The following EBF3 variants were observed in gnomAD, a reference collection of about 807,000 sequenced individuals.
The protein encoded by EBF3 is EBF transcription factor 3.
A neutral mutation model predicts 77.1 loss-of-function variants in EBF3; 18 were observed. The observed-to-expected ratio is 0.23, with a 90% CI of 0.16 to 0.35. The LOEUF (loss-of-function observed/expected upper bound fraction) is 0.35, where lower values mean the gene tolerates loss of function less well. Ranked by LOEUF, EBF3 falls within the 10% of genes least tolerant of loss-of-function variation. The pLI is 1.00. For missense variants in EBF3, 558 were observed against 860.0 expected (o/e 0.65, Z 4.39); for synonymous variants, 350 against 343.5 (o/e 1.02, Z -0.21).
intron 6 of EBF3, among the ~76,000 whole-genome samples, chr10:129,950,355 C>T (rs1858582612): frequency 6.6e-6 from 1 of 152,200 alleles, no homozygotes; most frequent in Admixed American, 6.5e-5. Flanking sequence ...AGCTGAGCAA[C>T]TTCCAGCGAA....
In EBF3 at chr10:129,935,710, C is replaced by G. The variant is rs1169166106; in HGVS notation, c.554+21548G>C. Among the ~76,000 whole-genome samples, 1 of 152,208 alleles carries G rather than the reference C, an allele frequency of 6.6e-6. No individual in the cohort carries two copies. The highest frequency in any genetic ancestry group is 1.5e-5 in the Non-Finnish European group (1 of 68,042). ...CCTCCTACGTCAGCACTGGGGAGTC[C>G]AGAGGCCAACCCCGCAGTCACTGCT... On this transcript the variant is annotated intron_variant, in intron 6 of 16. Transcript: ENST00000440978. The surrounding 1 kb of genome is among the most constrained non-coding windows in gnomAD (Gnocchi z 4.2).
At chr10:129,907,461 G>A (rs957558360) in intron 6 of EBF3, among the ~76,000 whole-genome samples, 2 of 152,138 alleles carry the variant, frequency 1.3e-5, no homozygotes, top group African/African-American at 2.4e-5. Flanking sequence ...ATTAGGTGAC[G>A]ACAAAATCTA....
In EBF3 at chr10:129,963,927, G is replaced by A. The variant is rs529021684; in HGVS notation, c.-159C>T. 3,025 of 1,083,244 alleles carry A rather than the reference G, an allele frequency of 2.8e-3. 56 individuals carry two copies. The African/African-American group carries it at 0.039, about 14-fold the overall frequency. The allele number at this position is 1,083,244 out of a possible 1,614,324, so 67.1% of individuals were successfully genotyped here. A position where few individuals can be genotyped will look rare whatever the true frequency, so the allele number is the denominator to read the frequency against. ...GCTTCAGCCCGTCCCGGGCAGGCGC[G>A]ACATACACCAGCGGCCGGGCGCTCC... On this transcript the variant is annotated 5_prime_UTR_variant, in exon 1 of 17. Coordinates refer to ENST00000440978, the MANE Select transcript of EBF3 (RefSeq NM_001375380.1). The surrounding 1 kb of genome is among the most constrained non-coding windows in gnomAD (Gnocchi z 7.1).
rs1382824229 is a variant in EBF3 at position 129,861,122 on chromosome 10, T to C, written c.1039+6019A>G. Among the ~76,000 whole-genome samples, 1 of 152,170 alleles carries C rather than the reference T, an allele frequency of 6.6e-6. No individual in the cohort carries two copies. The highest frequency in any genetic ancestry group is 1.9e-4 in the East Asian group (1 of 5,174). The stretch of plus-strand genomic sequence containing the variant: ...ATCTCACCCCAGCACCCACTTAGCA[T>C]GCTGGCAGATTAACTGATCATGGTT... On this transcript the variant is annotated intron_variant, in intron 10 of 16. Coordinates refer to ENST00000440978, the MANE Select transcript of EBF3 (RefSeq NM_001375380.1). This position sits in a 1 kb window ranked among gnomAD's most constrained non-coding sequence, Gnocchi z 4.3.
At chr10:129,930,897 A>G (rs545983317) in intron 6 of EBF3, among the ~76,000 whole-genome samples, 45 of 141,328 alleles carry the variant, frequency 3.2e-4, no homozygotes, top group African/African-American at 1.2e-3. Context: ...ATATCTGTCT[A>G]TATCTATCTC....
rs1481178299 is a variant in EBF3, at chr10:129,897,172, GAC to G, written c.555-19325_555-19324del. ...TCCTGGGATGAGCACTGTGGTCACA[GAC>G]ACACTCGCGGTGTACACGGGCCCTC... On this transcript the variant is annotated intron_variant, in intron 6 of 16. Transcript: ENST00000440978. The surrounding 1 kb of genome is among the most constrained non-coding windows in gnomAD (Gnocchi z 4.6). 6.6e-6 allele frequency among the ~76,000 whole-genome samples: 1 copy of G among 152,216 alleles called. No homozygotes were observed. The highest frequency in any genetic ancestry group is 1.9e-4 in the East Asian group (1 of 5,184).
intron 6 of EBF3, among the ~76,000 whole-genome samples, chr10:129,929,726 G>T (rs1856884493): frequency 6.6e-6 from 1 of 152,166 alleles, no homozygotes; most frequent in African/African-American, 2.4e-5. Flanking sequence ...CATCAAGGTG[G>T]CATCCTCAAA....
At chr10:129,900,789 C>T (rs74599735) in intron 6 of EBF3, among the ~76,000 whole-genome samples, 2 of 152,230 alleles carry the variant, frequency 1.3e-5, no homozygotes, top group African/African-American at 4.8e-5. Context: ...TTTTCCGTCA[C>T]AGCCTTTGAC....
chr10:129,937,237 G>C (rs1373955673), intron 6 of EBF3, among the ~76,000 whole-genome samples: 2 of 151,942 alleles, frequency 1.3e-5, no homozygotes, highest in African/African-American at 4.8e-5. Context: ...AAAGAGCCTG[G>C]GGTTCCGGGG....
rs1858354439 is a variant in EBF3 at position 129,947,974 on chromosome 10, G to A, written c.554+9284C>T. ...ACTGCTCAGTGAAAGAAGCCAGTCT[G>A]GGTGAGGCACGGTGGCTCACATCTG... On this transcript the variant is annotated intron_variant, in intron 6 of 16. Transcript: ENST00000440978. The surrounding 1 kb of genome is among the most constrained non-coding windows in gnomAD (Gnocchi z 4.5). Among the ~76,000 whole-genome samples the A allele has an allele frequency of 1.3e-5, 2 of 152,140 alleles. No homozygotes were observed.
chr10:129,897,995 TG>T lies in EBF3; in HGVS notation c.555-20147del, dbSNP rs1278252109. 6.6e-6 allele frequency among the ~76,000 whole-genome samples: 1 copy of T among 152,212 alleles called. No homozygotes were observed. Among genetic ancestry groups the T allele is most frequent in the Non-Finnish European group, 1.5e-5 (1 of 68,046 alleles). ...AAGAGAGCCCGAGCTGACCCGTTGC[TG>T]TATTAAATTTTCATATGAAAAGAGG... On this transcript the variant is annotated intron_variant, in intron 6 of 16. Transcript: ENST00000440978. This position sits in a 1 kb window ranked among gnomAD's most constrained non-coding sequence, Gnocchi z 4.6.
In EBF3 at chr10:129,943,174, C is replaced by G. The variant is rs543733768; in HGVS notation, c.554+14084G>C. On this transcript the variant is annotated intron_variant, in intron 6 of 16. Coordinates refer to ENST00000440978, the MANE Select transcript of EBF3 (RefSeq NM_001375380.1). This position sits in a 1 kb window ranked among gnomAD's most constrained non-coding sequence, Gnocchi z 8.8. ...AAGGCCCGCCAGAGCCAGAGAGCTG[C>G]CAGGCAGCTCTTCATTGGGGCCAGG... Among the ~76,000 whole-genome samples, 1 of 152,324 alleles carries G rather than the reference C, an allele frequency of 6.6e-6. No individual in the cohort carries two copies. Among genetic ancestry groups the G allele is most frequent in the African/African-American group, 2.4e-5 (1 of 41,570 alleles).
chr10:129,945,053 TGGGCGGGGAG>T (rs1373801572), intron 6 of EBF3, among the ~76,000 whole-genome samples: 1 of 79,126 alleles, frequency 1.3e-5, no homozygotes, highest in African/African-American at 4.9e-5. Context: ...AAAGGGAAGA[TGGGCGGGGAG>T]GGGAGGGGAG....
At chr10:129,910,101 G>A (rs1855422172) in intron 6 of EBF3, among the ~76,000 whole-genome samples, 2 of 152,168 alleles carry the variant, frequency 1.3e-5, no homozygotes, top group South Asian at 2.1e-4. Flanking sequence ...CCGCGCTAAC[G>A]AGCCCGCCCG....
At chr10:129,915,464 A>ACACACACACACATG (rs1855814781) in intron 6 of EBF3, among the ~76,000 whole-genome samples, 1 of 131,788 alleles carries the variant, frequency 7.6e-6, no homozygotes, top group African/African-American at 3.0e-5. Context: ...GCACACATGC[A>ACACACACACACATG]CACACACACA....
In EBF3 at chr10:129,840,973, G is replaced by A. The variant is rs1849992919; in HGVS notation, c.1432C>T (p.Pro478Ser). Residue 478 changes from proline (P) to serine (S), a missense_variant, in exon 14 of 17, where the codon CCC becomes TCC. Pro to Ser is a moderately conservative substitution (Grantham distance 74). Around this residue, in one of 5 missense-constraint regions of EBF3, gnomAD observed 284 missense variants for 368.3 expected, o/e 0.77. Transcript: ENST00000440978. ...SPRGYVPSSTPQQSNYNTVST... is the reference protein window; with the variant it reads ...SPRGYVPSSTSQQSNYNTVST... ...ACTGTGTTGTAATTGGACTGCTGGG[G>A]AGTACTGCTGGGGACGTAGCCTCGC... The A allele has an allele frequency of 6.2e-7, 1 of 1,613,296 alleles. No individual in the cohort carries two copies. Among genetic ancestry groups the A allele is most frequent in the Non-Finnish European group, 8.5e-7 (1 of 1,179,922 alleles).
Position 129,904,062 on chromosome 10 carries a change from T to C in EBF3, c.555-26213A>G, listed in dbSNP as rs182904415. Reference sequence around the variant, plus strand: ...TTCCTTCAGCTGGTTCAGGATAACATAGTTGGTGGAAGATATTCAGGCAGT... The same window carrying C: ...TTCCTTCAGCTGGTTCAGGATAACACAGTTGGTGGAAGATATTCAGGCAGT... On this transcript the variant is annotated intron_variant, in intron 6 of 16. Coordinates refer to ENST00000440978, the MANE Select transcript of EBF3 (RefSeq NM_001375380.1). Among the ~76,000 whole-genome samples the C allele has an allele frequency of 6.6e-5, 10 of 152,312 alleles. No individual in the cohort carries two copies. In the East Asian group the frequency reaches 1.2e-3, roughly 18 times the overall value.
At chr10:129,893,541 C>T (rs1854163398) in intron 6 of EBF3, among the ~76,000 whole-genome samples, 3 of 152,226 alleles carry the variant, frequency 2.0e-5, no homozygotes, top group Admixed American at 2.0e-4. Context: ...GTTGATAGGA[C>T]ACTTATCAAG....
chr10:129,874,714 A>G (rs911329982), intron 7 of EBF3, among the ~76,000 whole-genome samples: 1 of 152,210 alleles, frequency 6.6e-6, no homozygotes, highest in Non-Finnish European at 1.5e-5. Context: ...ACAGCCCTAC[A>G]GAGAATTGTG....
Sources: allele counts gnomAD v4.1 joint callset (sites outside exome capture counted in the v4.1 genomes callset), GRCh38; gene constraint gnomAD v4.1.1; regional missense constraint gnomAD v4.1.1; non-coding constraint Gnocchi (gnomAD v3.1); transcripts MANE v1.5; gene names NCBI Gene and HGNC (gene_info 2026-07-23, HGNC 2026-07-21).